Variants in CCT6A observed in about 807,000 individuals in gnomAD.
The protein encoded by CCT6A is chaperonin containing TCP1 subunit 6A, also known as T-complex protein 1 subunit zeta.
Under a neutral mutation model 58.6 loss-of-function variants are expected in CCT6A, and 6 were observed. The observed-to-expected ratio is 0.10, with a 90% CI of 0.06 to 0.20. The LOEUF (loss-of-function observed/expected upper bound fraction) is 0.20, where lower values mean the gene tolerates loss of function less well. CCT6A is among the 10% of genes least tolerant of loss of function. The pLI is 1.00. For missense variants in CCT6A, 516 were observed against 648.8 expected, an observed-to-expected ratio of 0.80 and a Z score of 2.22; for synonymous variants, 245 against 227.8, an observed-to-expected ratio of 1.08 and a Z score of -0.68.
chr7:56,052,094 C>T lies in CCT6A; in HGVS notation c.137+109C>T, dbSNP rs1338855898. On this transcript the variant is annotated intron_variant, in intron 1 of 13. Coordinates refer to ENST00000275603, the MANE Select transcript of CCT6A (RefSeq NM_001762.4). ...CGCCGCCTCGGGGCTGCGCAGCCGT[C>T]CTTCTCGGCGTCCTCCGGGGTCGGT... The T allele has an allele frequency of 2.5e-5, 24 of 979,142 alleles. No individual in the cohort carries two copies. In the African/African-American group the frequency reaches 2.6e-4, roughly 11 times the overall value. 60.7% of individuals were successfully genotyped at this position (979,142 alleles called of 1,614,324 possible).
chr7:56,054,619 T>G, intron 3 of CCT6A, 116 bp downstream of exon 3: 1 of 951,676 alleles, frequency 1.1e-6, no homozygotes, highest in Non-Finnish European at 1.5e-6. Flanking sequence ...TTAGGGGGCT[T>G]AAATCTGGGT....
rs146728155 is a variant in CCT6A, at chr7:56,060,669, C to T, written c.1214-138C>T. On this transcript the variant is annotated intron_variant, in intron 10 of 13. Transcript: ENST00000275603. The stretch of plus-strand genomic sequence containing the variant: ...GTGAAGCCATTCTGGTTGAACCATT[C>T]TCCTATTTGGTATGTTAGTCACTTG... 1.1e-5 allele frequency: 13 copies of T among 1,170,946 alleles called. No individual in the cohort carries two copies. In the African/African-American group the frequency reaches 1.7e-4, roughly 15 times the overall value. 72.5% of individuals were successfully genotyped at this position (1,170,946 alleles called of 1,614,324 possible).
chr7:56,056,468 AT>A (rs1233082574), intron 5 of CCT6A, 54 bp downstream of exon 5: 1 of 903,022 alleles, frequency 1.1e-6, no homozygotes, highest in African/African-American at 1.6e-5. Context: ...CACACCTGTA[AT>A]CCCAGCACTT....
At chr7:56,059,733 G>T in intron 9 of CCT6A, 93 bp downstream of exon 9, 3 of 680,010 alleles carry the variant, frequency 4.4e-6, no homozygotes, top group Non-Finnish European at 8.0e-6. Context: ...CTCCTGCCCG[G>T]GCTGGAGTGC....
intron 5 of CCT6A, among the ~76,000 whole-genome samples, chr7:56,057,571 G>A (rs748152312): frequency 5.3e-5 from 8 of 152,152 alleles, no homozygotes; most frequent in South Asian, 2.1e-4. Flanking sequence ...TCTGTACAGC[G>A]TAGGATCTTC....
chr7:56,056,258 A>G (rs1419012200), intron 4 of CCT6A, 53 bp from the exon 5 acceptor site: 2 of 931,136 alleles, frequency 2.1e-6, no homozygotes, highest in African/African-American at 1.6e-5. Context: ...GAAAAGCAAC[A>G]TGTTTCTGCT....
intron 11 of CCT6A, among the ~76,000 whole-genome samples, chr7:56,061,378 T>C (rs941486202): frequency 1.3e-5 from 2 of 150,878 alleles, no homozygotes; most frequent in Non-Finnish European, 3.0e-5. Context: ...AATGAGTTTT[T>C]TTTTTTTTTT....
At chr7:56,061,692 T>TATTAG in intron 11 of CCT6A, 55 bp from the exon 12 acceptor site, 1 of 523,418 alleles carries the variant, frequency 1.9e-6, no homozygotes, top group Admixed American at 4.3e-5. Context: ...TTTTTTTTTT[T>TATTAG]TTACTATCAG....
At chr7:56,061,903 G>A (rs1231792627) in intron 12 of CCT6A, 54 bp downstream of exon 12, 1 of 967,218 alleles carries the variant, frequency 1.0e-6, no homozygotes, top group Non-Finnish European at 1.6e-6. Flanking sequence ...CGTGTGAGTT[G>A]AAGCCAGGAA....
chr7:56,062,970 G>A (rs369972245), intron 13 of CCT6A, 43 bp from the exon 14 acceptor site: 21 of 1,454,326 alleles, frequency 1.4e-5, no homozygotes, highest in Non-Finnish European at 1.9e-5. Flanking sequence ...TCGAATTAGG[G>A]CTCCTAATCA....
rs974654593 is a variant in CCT6A, at chr7:56,062,771, TGAAAAC to T, written c.1523+17_1523+22del. The T allele has an allele frequency of 1.3e-6, 2 of 1,586,632 alleles. No individual in the cohort carries two copies. Among genetic ancestry groups the T allele is most frequent in the Non-Finnish European group, 8.6e-7 (1 of 1,159,818 alleles). ...TTCACTCCTGGTAAGTTTGGGAAAATGAAAACTAAACTGTTAGAGAATCATACTTTT... is the reference window on the plus strand; with the variant it reads ...TTCACTCCTGGTAAGTTTGGGAAAATTAAACTGTTAGAGAATCATACTTTT... On this transcript the variant is annotated intron_variant, in intron 13 of 13. Coordinates refer to ENST00000275603, the MANE Select transcript of CCT6A (RefSeq NM_001762.4).
chr7:56,063,288 AAGCAGGTCTT>A lies in CCT6A; in HGVS notation c.*204_*213del. 3.5e-6 allele frequency: 2 copies of A among 574,784 alleles called. No individual in the cohort carries two copies. The highest frequency in any genetic ancestry group is 6.2e-6 in the Non-Finnish European group (2 of 324,216). 35.6% of individuals were successfully genotyped at this position (574,784 alleles called of 1,614,324 possible). On this transcript the variant is annotated 3_prime_UTR_variant, in exon 14 of 14. Coordinates refer to ENST00000275603, the MANE Select transcript of CCT6A (RefSeq NM_001762.4). ...AATTGCACTGAAGTGTATACACATAAAGCAGGTCTTTTATCCAGTGAACAGGATGTTTTGC... is the reference window on the plus strand; with the variant it reads ...AATTGCACTGAAGTGTATACACATAATTATCCAGTGAACAGGATGTTTTGC...
rs1327018338 is a variant in CCT6A, at chr7:56,051,803, G to T, written c.-46G>T. ...AGTTCCTCCCGGCCACGCCGCGCCG[G>T]CTCTGGGCACTCAGCATCGTTTCCT... On this transcript the variant is annotated 5_prime_UTR_variant, in exon 1 of 14. Transcript: ENST00000275603. The T allele has an allele frequency of 2.6e-6, 4 of 1,540,162 alleles. No homozygotes were observed. Among genetic ancestry groups the T allele is most frequent in the East Asian group, 2.5e-5 (1 of 39,590 alleles).
rs562387995 is a variant in CCT6A, at chr7:56,054,455, C to A, written c.288C>A (p.Val96=). Residue 96 remains valine, a synonymous_variant, in exon 3 of 14, where the codon GTC becomes GTA. Transcript: ENST00000275603. ...CTGGTGATGGTACGACTTCTAATGT[C>A]CTAATCATTGGAGAGCTGCTGAAAC... ...DITGDGTTSN[V]LIIGELLKQA... 1 of 1,613,416 alleles carries A rather than the reference C, an allele frequency of 6.2e-7. No homozygotes were observed. The highest frequency in any genetic ancestry group is 8.5e-7 in the Non-Finnish European group (1 of 1,179,676).
At chr7:56,055,844 A>G (rs1318980074) in intron 4 of CCT6A, 47 bp downstream of exon 4, 1 of 1,348,598 alleles carries the variant, frequency 7.4e-7, no homozygotes, top group East Asian at 2.3e-5. Context: ...ACCTATATAG[A>G]AAATCTCTGA....
At chr7:56,055,261 C>T (rs976242598) in intron 3 of CCT6A, 6 of 272,424 alleles carry the variant, frequency 2.2e-5, no homozygotes, top group African/African-American at 1.1e-4. Flanking sequence ...GTAACAAGTG[C>T]GAAACTCCAT....
At position 56,055,726 on chromosome 7, in the gene CCT6A, A is replaced by G. The variant is rs1461796057; in HGVS notation, c.439A>G (p.Thr147Ala). Residue 147 changes from threonine to alanine, a missense_variant, in exon 4 of 14, where the codon ACA becomes GCA. Physicochemically the swap from Thr to Ala is moderately conservative, Grantham distance 58 (BLOSUM62 0). Transcript: ENST00000275603. ...AGTAAGCAGAGAGATGGACAGGGAA[A>G]CACTTATAGATGTGGCCAGAACATC... The part of the protein sequence containing the change: ...VKVSREMDRE[T>A]LIDVARTSLR... 6.2e-7 allele frequency: 1 copy of G among 1,613,692 alleles called. No individual in the cohort carries two copies. The highest frequency in any genetic ancestry group is 8.5e-7 in the Non-Finnish European group (1 of 1,179,746).
chr7:56,062,502 A>T (rs1166645052), intron 12 of CCT6A, 181 bp from the exon 13 acceptor site: 1 of 637,732 alleles, frequency 1.6e-6, no homozygotes, highest in Non-Finnish European at 2.8e-6. Context: ...TATAAGTCAG[A>T]CATTCATCAA....
At chr7:56,059,189 TG>T (rs1279951959) in intron 8 of CCT6A, among the ~76,000 whole-genome samples, 2 of 151,716 alleles carry the variant, frequency 1.3e-5, no homozygotes, top group Admixed American at 6.6e-5. Flanking sequence ...TTAGTAGAGA[TG>T]GGGTTTTGCC....
Sources: allele counts gnomAD v4.1 joint callset (sites outside exome capture counted in the v4.1 genomes callset), GRCh38; gene constraint gnomAD v4.1.1; transcripts MANE v1.5; gene names NCBI Gene and HGNC (gene_info 2026-07-23, HGNC 2026-07-21).